Variants in ACTR3C observed in about 807,000 individuals in gnomAD.
The protein encoded by ACTR3C is actin-related protein 3C.
Under a neutral mutation model 26.3 loss-of-function variants are expected in ACTR3C, and 18 were observed. That is an observed-to-expected ratio of 0.68 (90% CI 0.47 to 1.01). The LOEUF (loss-of-function observed/expected upper bound fraction) is 1.01. Among genes scored for constraint, ACTR3C ranks in the 50% least tolerant of loss-of-function variants. ACTR3C has a pLI of 0.00. For missense variants in ACTR3C, 184 were observed against 250.7 expected (o/e 0.73, Z 1.80); for synonymous variants, 55 against 94.5 (o/e 0.58, Z 2.42).
chr7:150,307,055 A>G (rs1250534312), intron 1 of ACTR3C, among the ~76,000 whole-genome samples: 2 of 152,260 alleles, frequency 1.3e-5, no homozygotes, highest in Non-Finnish European at 2.9e-5. Flanking sequence ...TTGTCACTGG[A>G]TAGTCCAACT....
intron 1 of ACTR3C, among the ~76,000 whole-genome samples, chr7:150,316,736 G>T (rs1444803677): frequency 6.6e-6 from 1 of 151,940 alleles, no homozygotes; most frequent in African/African-American, 2.4e-5. Context: ...TGCCCACTTC[G>T]GCCTTCCGAA....
the ACTR3C span, among the ~76,000 whole-genome samples, chr7:150,155,594 T>A: frequency 6.6e-6 from 1 of 150,742 alleles, no homozygotes; most frequent in African/African-American, 2.4e-5. Flanking sequence ...GAATTGAGAC[T>A]CATGGTCTCA....
At chr7:150,067,030 G>C in the ACTR3C span, among the ~76,000 whole-genome samples, 2 of 152,172 alleles carry the variant, frequency 1.3e-5, no homozygotes, top group African/African-American at 4.8e-5. Flanking sequence ...CTAGCTTATG[G>C]AATCACTCAC....
chr7:150,188,724 A>T, the ACTR3C span, among the ~76,000 whole-genome samples: 2 of 151,936 alleles, frequency 1.3e-5, no homozygotes, highest in African/African-American at 4.9e-5. Context: ...ATGGAATTGT[A>T]GACATGGTTG....
At chr7:149,991,676 CATCTT>C in the ACTR3C span, among the ~76,000 whole-genome samples, 1 of 152,384 alleles carries the variant, frequency 6.6e-6, no homozygotes, top group African/African-American at 2.4e-5. Context: ...ATACTTCTGA[CATCTT>C]AGATTACGTG....
At chr7:150,145,049 CAAA>C in the ACTR3C span, among the ~76,000 whole-genome samples, 4 of 106,150 alleles carry the variant, frequency 3.8e-5, no homozygotes, top group Admixed American at 1.0e-4. Context: ...GACTCCATCT[CAAA>C]AAAAAAAAAA....
the ACTR3C span, among the ~76,000 whole-genome samples, chr7:150,229,474 C>T: frequency 2.6e-5 from 4 of 151,196 alleles, no homozygotes; most frequent in Non-Finnish European, 4.4e-5. Flanking sequence ...GTTGATGTAG[C>T]GTATTAGAGT....
the ACTR3C span, among the ~76,000 whole-genome samples, chr7:150,091,905 G>A: frequency 1.5e-5 from 2 of 135,274 alleles, no homozygotes; most frequent in Admixed American, 8.2e-5. Flanking sequence ...GGAGAATGGC[G>A]TGAACCCGGG....
the ACTR3C span, among the ~76,000 whole-genome samples, chr7:149,937,369 C>T: frequency 6.6e-6 from 1 of 150,790 alleles, no homozygotes; most frequent in African/African-American, 2.4e-5. Flanking sequence ...ATAAATATTA[C>T]CTTTTGATTT....
the ACTR3C span, among the ~76,000 whole-genome samples, chr7:150,041,844 G>T: frequency 8.0e-3 from 1,110 of 138,960 alleles, 16 homozygotes; most frequent in African/African-American, 0.029. Context: ...GTGGAAGAGG[G>T]GATAGCTCTC....
chr7:150,299,573 G>A (rs1401331864), intron 1 of ACTR3C, among the ~76,000 whole-genome samples: 2 of 151,172 alleles, frequency 1.3e-5, no homozygotes, highest in Non-Finnish European at 1.5e-5. Flanking sequence ...ATCACCTGAG[G>A]TCAGGAGTTC....
the ACTR3C span, among the ~76,000 whole-genome samples, chr7:149,919,431 G>A: frequency 1.3e-5 from 2 of 151,908 alleles, no homozygotes; most frequent in Non-Finnish European, 2.9e-5. Context: ...AGTAGAGACG[G>A]GGTTTCACCA....
chr7:150,082,947 C>CTTTTTTTTTTTTTTTTTTTTTCT, the ACTR3C span, among the ~76,000 whole-genome samples: 7 of 108,562 alleles, frequency 6.4e-5, no homozygotes, highest in East Asian at 2.7e-4. Context: ...TTTTTTTTTT[C>CTTTTTTTTTTTTTTTTTTTTTCT]TTTTTTTTTT....
chr7:149,938,738 C>A, the ACTR3C span, among the ~76,000 whole-genome samples: 33,145 of 150,528 alleles, frequency 0.22, 3,919 homozygotes, highest in South Asian at 0.37. Flanking sequence ...AAAAAGAGAA[C>A]GTAATATTGT....
At chr7:150,066,529 G>A in the ACTR3C span, among the ~76,000 whole-genome samples, 2 of 152,180 alleles carry the variant, frequency 1.3e-5, no homozygotes, top group Non-Finnish European at 2.9e-5. Flanking sequence ...CTATTTCCTA[G>A]AAGGAACAAA....
the ACTR3C span, among the ~76,000 whole-genome samples, chr7:149,960,026 C>A: frequency 1.3e-5 from 2 of 151,258 alleles, no homozygotes; most frequent in African/African-American, 2.4e-5. Context: ...GCACTTGCAG[C>A]CATTTCTGCA....
chr7:150,220,838 C>A, the ACTR3C span, among the ~76,000 whole-genome samples: 1 of 152,304 alleles, frequency 6.6e-6, no homozygotes, highest in African/African-American at 2.4e-5. Context: ...ACCCCCCTCA[C>A]CCTCAAAAGC....
chr7:150,185,427 C>T, the ACTR3C span, among the ~76,000 whole-genome samples: 5 of 152,070 alleles, frequency 3.3e-5, no homozygotes, highest in African/African-American at 1.2e-4. Context: ...AAAACAGTAA[C>T]AACATCTCAT....
At chr7:150,166,683 A>T in the ACTR3C span, among the ~76,000 whole-genome samples, 1 of 149,686 alleles carries the variant, frequency 6.7e-6, no homozygotes, top group African/African-American at 2.5e-5. Context: ...TGGGCAACAG[A>T]GTTAGATTCC....
Sources: allele counts gnomAD v4.1 joint callset (sites outside exome capture counted in the v4.1 genomes callset), GRCh38; gene constraint gnomAD v4.1.1; transcripts MANE v1.5; gene names NCBI Gene and HGNC (gene_info 2026-07-23, HGNC 2026-07-21).